PAX5: variants seen among roughly 807,000 people sequenced by gnomAD.
The protein encoded by PAX5 is paired box protein Pax-5.
In PAX5, 9 loss-of-function variants were observed where a neutral mutation model predicts 43.7. The ratio of observed to expected loss-of-function variants is 0.21; its 90% CI spans 0.12 to 0.36. The LOEUF (loss-of-function observed/expected upper bound fraction) is 0.36. Ranked by LOEUF, PAX5 falls within the 10% of genes least tolerant of loss-of-function variation. The pLI, the probability that PAX5 is intolerant of heterozygous loss-of-function variation, is 1.00. For synonymous variants in PAX5, 228 were observed against 214.3 expected, an observed-to-expected ratio of 1.06 and a Z score of -0.56; for missense variants, 383 against 532.7, an observed-to-expected ratio of 0.72 and a Z score of 2.77.
At chr9:36,932,142 G>A (rs1396755605) in intron 6 of PAX5, among the ~76,000 whole-genome samples, 2 of 152,036 alleles carry the variant, frequency 1.3e-5, no homozygotes, top group East Asian at 3.9e-4. Flanking sequence ...AAGCATAGTG[G>A]CATGCCTGTA....
At chr9:36,994,647 C>G (rs1837234415) in intron 5 of PAX5, among the ~76,000 whole-genome samples, 1 of 152,176 alleles carries the variant, frequency 6.6e-6, no homozygotes, top group African/African-American at 2.4e-5. Flanking sequence ...CCAAGGAAAA[C>G]AGAGCACAAG....
At chr9:36,859,132 AGC>A (rs1038249012) in intron 8 of PAX5, among the ~76,000 whole-genome samples, 2 of 152,024 alleles carry the variant, frequency 1.3e-5, no homozygotes, top group African/African-American at 4.8e-5. Context: ...CACCCCGAGG[AGC>A]GCGCTCAATT....
chr9:36,969,600 CCT>C (rs918100552), intron 5 of PAX5, among the ~76,000 whole-genome samples: 5 of 152,252 alleles, frequency 3.3e-5, no homozygotes, highest in African/African-American at 1.2e-4. Context: ...GACACGCGCC[CCT>C]CTCTGCAGTC....
chr9:37,005,884 T>C (rs1404466169), intron 4 of PAX5, among the ~76,000 whole-genome samples: 1 of 152,166 alleles, frequency 6.6e-6, no homozygotes, highest in African/African-American at 2.4e-5. Context: ...TCTTGAGCAC[T>C]AGGAAGTATG....
In PAX5 at chr9:36,839,870, C is replaced by A. The variant is rs990079831; in HGVS notation, c.*690G>T. 2 of 233,774 alleles carry A rather than the reference C, an allele frequency of 8.6e-6. No individual in the cohort carries two copies. Among genetic ancestry groups the A allele is most frequent in the African/African-American group, 4.4e-5 (2 of 45,374 alleles). The allele number at this position is 233,774 out of a possible 1,614,324, so 14.5% of individuals were successfully genotyped here. A position where few individuals can be genotyped will look rare whatever the true frequency, so the allele number is the denominator to read the frequency against. ...AAATGGAGGCAGGAAACCAGGACAT[C>A]TCCCCAAAGTGTGCTCCTCTTGGAG... On this transcript the variant is annotated 3_prime_UTR_variant, in exon 10 of 10. Transcript: ENST00000358127.
At chr9:36,939,707 T>A (rs1280726777) in intron 6 of PAX5, among the ~76,000 whole-genome samples, 1 of 152,198 alleles carries the variant, frequency 6.6e-6, no homozygotes, top group Non-Finnish European at 1.5e-5. Flanking sequence ...GTAAATTTTG[T>A]CAATTTTGGA....
At position 37,002,750 on chromosome 9, in the gene PAX5, A is replaced by T; in HGVS notation, c.502T>A (p.Ser168Thr). Residue 168 changes from serine to threonine, a missense_variant, in exon 5 of 10, where the codon TCC becomes ACC. Transcript: ENST00000358127. ...IVSTGSVTQV[S>T]SVSTDSAGSS... ...CCGGCCGAATCCGTGCTCACCGAGG[A>T]CACCTGCGTCACGGAGCCAGTGGAC... The T allele has an allele frequency of 6.2e-7, 1 of 1,610,176 alleles. No individual in the cohort carries two copies. The highest frequency in any genetic ancestry group is 8.5e-7 in the Non-Finnish European group (1 of 1,178,818).
intron 8 of PAX5, among the ~76,000 whole-genome samples, chr9:36,880,535 C>T (rs1826320250): frequency 6.6e-6 from 1 of 152,194 alleles, no homozygotes; most frequent in Non-Finnish European, 1.5e-5. Context: ...GGGGTGGCTC[C>T]CTTATCTATT....
intron 5 of PAX5, among the ~76,000 whole-genome samples, chr9:37,000,979 C>A (rs1837797763): frequency 6.6e-6 from 1 of 152,244 alleles, no homozygotes; most frequent in Non-Finnish European, 1.5e-5. Flanking sequence ...TCAGATCCCT[C>A]TTCGCCCAGG....
intron 7 of PAX5, among the ~76,000 whole-genome samples, chr9:36,898,755 G>A (rs527664569): frequency 1.3e-5 from 2 of 152,262 alleles, no homozygotes; most frequent in East Asian, 1.9e-4. Flanking sequence ...CGCCACATGA[G>A]GGGGCATAAT....
intron 7 of PAX5, among the ~76,000 whole-genome samples, chr9:36,907,598 G>A (rs934915622): frequency 6.6e-6 from 1 of 152,202 alleles, no homozygotes; most frequent in Non-Finnish European, 1.5e-5. Flanking sequence ...ACACTGCTAG[G>A]GAAAAAGTCC....
At chr9:36,858,370 C>A (rs1057413908) in intron 8 of PAX5, among the ~76,000 whole-genome samples, 1 of 152,060 alleles carries the variant, frequency 6.6e-6, no homozygotes, top group African/African-American at 2.4e-5. Context: ...AGTCCAAGTC[C>A]CTGATCTTCC....
intron 7 of PAX5, among the ~76,000 whole-genome samples, chr9:36,913,436 G>A (rs1829467522): frequency 6.6e-6 from 1 of 152,236 alleles, no homozygotes; most frequent in African/African-American, 2.4e-5. Flanking sequence ...TCCTTCACCA[G>A]TAGAGAGGTG....
chr9:36,911,439 G>A lies in PAX5; in HGVS notation c.910+11916C>T, dbSNP rs533118242. Among the ~76,000 whole-genome samples, 8 of 152,216 alleles carry A rather than the reference G, an allele frequency of 5.3e-5. No homozygotes were observed. The South Asian group carries it at 1.0e-3, about 20-fold the overall frequency. ...ACCTCCGGAAGTGCTGGAATTACAGGCATGAGCCACACGCCCGGCCCACAG... is the reference window on the plus strand; with the variant it reads ...ACCTCCGGAAGTGCTGGAATTACAGACATGAGCCACACGCCCGGCCCACAG... On this transcript the variant is annotated intron_variant, in intron 7 of 9. Coordinates refer to ENST00000358127, the MANE Select transcript of PAX5 (RefSeq NM_016734.3).
intron 6 of PAX5, among the ~76,000 whole-genome samples, chr9:36,930,117 C>G (rs1249228645): frequency 1.3e-5 from 2 of 151,476 alleles, no homozygotes; most frequent in African/African-American, 4.9e-5. Context: ...GATGATGGAA[C>G]AGCTTGTCCT....
intron 8 of PAX5, among the ~76,000 whole-genome samples, chr9:36,866,515 T>C (rs1824900257): frequency 6.6e-6 from 1 of 152,144 alleles, no homozygotes; most frequent in African/African-American, 2.4e-5. Context: ...TGGGAGAGGA[T>C]CTGCATTCAG....
intron 1 of PAX5, among the ~76,000 whole-genome samples, chr9:37,033,478 C>G (rs1841195069): frequency 6.6e-6 from 1 of 152,146 alleles, no homozygotes; most frequent in African/African-American, 2.4e-5. Context: ...AGTGGATGTA[C>G]ACTCAGATAT....
Position 36,835,698 on chromosome 9 carries a change from G to T in PAX5, c.*4862C>A. ...CGGACCTCTCCGAGGCCAAAAGAAC[G>T]AAAGAAATAGTTTCCCCAGGAGAGC... is the stretch of plus-strand genomic sequence containing the variant. On this transcript the variant is annotated 3_prime_UTR_variant, in exon 10 of 10. Transcript: ENST00000358127. 4 of 233,268 alleles carry T rather than the reference G, an allele frequency of 1.7e-5. No homozygotes were observed. Among genetic ancestry groups the T allele is most frequent in the Non-Finnish European group, 2.5e-5 (3 of 118,038 alleles). The allele number at this position is 233,268 out of a possible 1,614,324, so 14.4% of individuals were successfully genotyped here.
intron 5 of PAX5, among the ~76,000 whole-genome samples, chr9:36,990,304 C>A (rs1221099838): frequency 6.6e-6 from 1 of 152,134 alleles, no homozygotes; most frequent in African/African-American, 2.4e-5. Context: ...ATTGTTGAGT[C>A]AGCACTAGAA....
Sources: allele counts gnomAD v4.1 joint callset (sites outside exome capture counted in the v4.1 genomes callset), GRCh38; gene constraint gnomAD v4.1.1; transcripts MANE v1.5; gene names NCBI Gene and HGNC (gene_info 2026-07-23, HGNC 2026-07-21).